The following MCC variants were observed in gnomAD, a reference collection of about 807,000 sequenced individuals.
The protein encoded by MCC is MCC regulator of Wnt signaling pathway.
In MCC, 90 loss-of-function variants were observed where a neutral mutation model predicts 116.2. The observed-to-expected ratio is 0.77, with a 90% CI of 0.65 to 0.92. The LOEUF (loss-of-function observed/expected upper bound fraction) is 0.92, where lower values mean the gene tolerates loss of function less well. Among genes scored for constraint, MCC ranks in the 40% least tolerant of loss-of-function variants. MCC has a pLI of 0.00. For missense variants in MCC, 1,516 were observed against 1,312.2 expected, an observed-to-expected ratio of 1.16 and a Z score of -2.40; for synonymous variants, 578 against 510.5, an observed-to-expected ratio of 1.13 and a Z score of -1.78.
intron 1 of MCC, among the ~76,000 whole-genome samples, chr5:113,462,603 G>A (rs1266796843): frequency 6.6e-6 from 1 of 152,072 alleles, no homozygotes; most frequent in Middle Eastern, 3.2e-3. Context: ...AACCCCAACA[G>A]CAATTTGTTC....
intron 3 of MCC, among the ~76,000 whole-genome samples, chr5:113,216,368 C>T (rs1014247045): frequency 6.6e-6 from 1 of 152,054 alleles, no homozygotes; most frequent in African/African-American, 2.4e-5. Flanking sequence ...CCCCAGGATT[C>T]TGTCAGTCTG....
At chr5:113,287,146 C>T (rs904719326) in intron 3 of MCC, among the ~76,000 whole-genome samples, 1 of 152,142 alleles carries the variant, frequency 6.6e-6, no homozygotes, top group Non-Finnish European at 1.5e-5. Flanking sequence ...ATCCTCTCAC[C>T]AATGTAAATA....
chr5:113,167,998 C>T (rs1277403059), intron 3 of MCC, among the ~76,000 whole-genome samples: 1 of 152,154 alleles, frequency 6.6e-6, no homozygotes, highest in Non-Finnish European at 1.5e-5. Flanking sequence ...TAAACATTAA[C>T]AATTGAACCT....
At chr5:113,294,634 G>C (rs1003660553) in intron 3 of MCC, 2 of 1,129,878 alleles carry the variant, frequency 1.8e-6, no homozygotes, top group African/African-American at 1.6e-5. Context: ...TCGCAGCTGC[G>C]GCAGCGGCGG....
chr5:113,022,221 C>T lies in MCC; in HGVS notation c.*5081G>A, dbSNP rs1355215322. On this transcript the variant is annotated 3_prime_UTR_variant, in exon 19 of 19. Coordinates refer to ENST00000408903, the MANE Select transcript of MCC (RefSeq NM_001085377.2). The stretch of plus-strand genomic sequence containing the variant: ...TTCTATATCAAATAACGCAAAGTAG[C>T]TATTTTACAGCAGCTAAAACTAAAG... The T allele has an allele frequency of 1.3e-5, 2 of 152,528 alleles. No homozygotes were observed. The highest frequency in any genetic ancestry group is 2.4e-5 in the African/African-American group (1 of 41,418). 9.4% of individuals were successfully genotyped at this position (152,528 alleles called of 1,614,324 possible).
chr5:113,289,099 GA>G (rs1194555580), intron 3 of MCC, among the ~76,000 whole-genome samples: 4 of 152,274 alleles, frequency 2.6e-5, no homozygotes, highest in South Asian at 4.1e-4. Context: ...TTGGGAGGCT[GA>G]GGTAGATGGA....
intron 1 of MCC, among the ~76,000 whole-genome samples, chr5:113,419,246 C>T (rs1203683066): frequency 1.3e-5 from 2 of 151,704 alleles, no homozygotes; most frequent in African/African-American, 2.4e-5. Context: ...TCATAGCTCA[C>T]TTCAGCCTTC....
At chr5:113,451,438 G>T (rs181505056) in intron 1 of MCC, among the ~76,000 whole-genome samples, 1 of 152,308 alleles carries the variant, frequency 6.6e-6, no homozygotes, top group Admixed American at 6.5e-5. Context: ...CCATTTCATG[G>T]ATTAAGAAAA....
chr5:113,042,093 A>T (rs1157318953), intron 17 of MCC, among the ~76,000 whole-genome samples: 9 of 152,206 alleles, frequency 5.9e-5, no homozygotes, highest in African/African-American at 2.2e-4. Context: ...TAAAGAAAGC[A>T]AACACCAAGA....
intron 17 of MCC, among the ~76,000 whole-genome samples, chr5:113,036,012 C>CTTTTTTTTTTTTT (rs771378295): frequency 3.2e-5 from 2 of 62,904 alleles, no homozygotes; most frequent in African/African-American, 6.5e-5. Flanking sequence ...GGATGAGGAA[C>CTTTTTTTTTTTTT]TTTTTTTTTT....
chr5:113,134,775 T>C (rs900666672), intron 5 of MCC, among the ~76,000 whole-genome samples: 8 of 151,792 alleles, frequency 5.3e-5, no homozygotes, highest in Non-Finnish European at 2.9e-5. Context: ...CAGTAGGATA[T>C]AAATAACTCC....
chr5:113,050,894 G>A (rs1046444688), intron 15 of MCC, among the ~76,000 whole-genome samples: 1 of 152,216 alleles, frequency 6.6e-6, no homozygotes, highest in South Asian at 2.1e-4. Flanking sequence ...CTGAGGCAGA[G>A]AGCCACAGCT....
chr5:113,313,011 T>C (rs1358733319), intron 3 of MCC, among the ~76,000 whole-genome samples: 1 of 152,080 alleles, frequency 6.6e-6, no homozygotes, highest in Non-Finnish European at 1.5e-5. Context: ...AAAAACAGAC[T>C]TCCTTGTTAA....
At position 113,336,316 on chromosome 5, in the gene MCC, C is replaced by T. The variant is rs573933412; in HGVS notation, c.627+4203G>A. Among the ~76,000 whole-genome samples the T allele has an allele frequency of 1.6e-4, 24 of 151,850 alleles. 1 individual carries two copies. Among genetic ancestry groups the T allele is most frequent in the Admixed American group, 1.1e-3 (17 of 15,290 alleles). ...CCTTGTCCACTTGCACACATTATTG[C>T]TAATCTGCTGCTTAACTACTTGGTG... On this transcript the variant is annotated intron_variant, in intron 3 of 18. Coordinates refer to ENST00000408903, the MANE Select transcript of MCC (RefSeq NM_001085377.2).
intron 2 of MCC, among the ~76,000 whole-genome samples, chr5:113,381,677 AC>A (rs1418846286): frequency 1.3e-5 from 2 of 152,286 alleles, no homozygotes; most frequent in East Asian, 3.9e-4. Flanking sequence ...AGTTCCAGCT[AC>A]TTGGGAAGCT....
At chr5:113,482,075 G>C (rs1270483082) in intron 1 of MCC, among the ~76,000 whole-genome samples, 1 of 152,162 alleles carries the variant, frequency 6.6e-6, no homozygotes, top group East Asian at 1.9e-4. Flanking sequence ...GTTCATCCTT[G>C]TTATAGCATG....
At chr5:113,067,627 A>T (rs930453362) in intron 13 of MCC, among the ~76,000 whole-genome samples, 12 of 152,180 alleles carry the variant, frequency 7.9e-5, no homozygotes, top group African/African-American at 2.9e-4. Context: ...CAAGAGCAAA[A>T]CTCCATCTCA....
At chr5:113,179,553 G>A (rs994451010) in intron 3 of MCC, among the ~76,000 whole-genome samples, 3 of 152,136 alleles carry the variant, frequency 2.0e-5, no homozygotes, top group African/African-American at 7.2e-5. Flanking sequence ...AAAAACAGCA[G>A]ATAGTAGAAT....
At chr5:113,039,604 A>G (rs1426294053) in intron 17 of MCC, among the ~76,000 whole-genome samples, 1 of 152,154 alleles carries the variant, frequency 6.6e-6, no homozygotes, top group East Asian at 1.9e-4. Context: ...CTGCCAGCAC[A>G]TGTGGGGCAC....
Sources: allele counts gnomAD v4.1 joint callset (sites outside exome capture counted in the v4.1 genomes callset), GRCh38; gene constraint gnomAD v4.1.1; transcripts MANE v1.5; gene names NCBI Gene and HGNC (gene_info 2026-07-23, HGNC 2026-07-21).